The following RANBP2 variants were observed in gnomAD, a reference collection of about 807,000 sequenced individuals.
RANBP2 encodes E3 SUMO-protein ligase RanBP2.
Under a neutral mutation model 303.6 loss-of-function variants are expected in RANBP2, and 57 were observed. That is an observed-to-expected ratio of 0.19 (90% confidence interval 0.15 to 0.23). RANBP2 has a LOEUF of 0.23. Ranked by LOEUF, RANBP2 falls within the 10% of genes least tolerant of loss-of-function variation. The pLI is 1.00. For synonymous variants in RANBP2, 1,167 were observed against 1,301.5 expected (o/e 0.90, Z 2.23); for missense variants, 3,138 against 3,780.8 (o/e 0.83, Z 4.46).
the RANBP2 span, among the ~76,000 whole-genome samples, chr2:109,415,664 G>C: frequency 6.6e-6 from 1 of 152,100 alleles, no homozygotes; most frequent in Non-Finnish European, 1.5e-5. Flanking sequence ...CTGAAGACCA[G>C]AACACTCTCA....
chr2:109,300,599 G>A, the RANBP2 span, among the ~76,000 whole-genome samples: 1 of 152,188 alleles, frequency 6.6e-6, no homozygotes, highest in African/African-American at 2.4e-5. Flanking sequence ...TGGCAAATAT[G>A]CACTGGGACT....
the RANBP2 span, among the ~76,000 whole-genome samples, chr2:109,591,569 T>C: frequency 3.9e-5 from 6 of 152,170 alleles, no homozygotes; most frequent in African/African-American, 1.4e-4. Context: ...ACTACAGTTA[T>C]TGGAGCACAG....
chr2:108,853,091 AG>A, the RANBP2 span, among the ~76,000 whole-genome samples: 5 of 152,220 alleles, frequency 3.3e-5, no homozygotes, highest in Non-Finnish European at 7.3e-5. Flanking sequence ...AAATGTTCCA[AG>A]GTGTTAATAT....
chr2:108,906,461 A>G, the RANBP2 span: 2 of 1,311,360 alleles, frequency 1.5e-6, no homozygotes, highest in Admixed American at 3.6e-5. Flanking sequence ...GGCAGCAGCT[A>G]CGCCCAACAC....
the RANBP2 span, among the ~76,000 whole-genome samples, chr2:109,337,025 T>A: frequency 6.6e-6 from 1 of 152,246 alleles, no homozygotes; most frequent in Non-Finnish European, 1.5e-5. Flanking sequence ...TCATTAGGTA[T>A]GCTTTGATTC....
chr2:108,835,862 T>C, the RANBP2 span, among the ~76,000 whole-genome samples: 1,227 of 152,332 alleles, frequency 8.1e-3, 6 homozygotes, highest in Non-Finnish European at 0.013. Flanking sequence ...TCCTGGCAGC[T>C]GGATGTCCAA....
chr2:109,036,972 C>T, the RANBP2 span, among the ~76,000 whole-genome samples: 3 of 152,022 alleles, frequency 2.0e-5, no homozygotes, highest in African/African-American at 7.2e-5. Flanking sequence ...GGTGAGACCT[C>T]GTCTCTAACA....
the RANBP2 span, among the ~76,000 whole-genome samples, chr2:109,561,042 A>G: frequency 3.4e-4 from 51 of 151,992 alleles, no homozygotes; most frequent in African/African-American, 1.2e-3. Context: ...TGCAAATATT[A>G]TATTATTCCT....
At chr2:108,923,717 G>A in the RANBP2 span, among the ~76,000 whole-genome samples, 1 of 152,220 alleles carries the variant, frequency 6.6e-6, no homozygotes, top group African/African-American at 2.4e-5. Context: ...TCTCTCTGGT[G>A]GCTGTGTTTA....
At chr2:109,385,154 T>G in the RANBP2 span, among the ~76,000 whole-genome samples, 4 of 152,226 alleles carry the variant, frequency 2.6e-5, no homozygotes, top group African/African-American at 9.6e-5. Context: ...GAGCAGAAGC[T>G]CTGGCTCTCT....
At chr2:109,597,513 C>T in the RANBP2 span, among the ~76,000 whole-genome samples, 2 of 152,118 alleles carry the variant, frequency 1.3e-5, no homozygotes, top group Admixed American at 1.3e-4. Context: ...CAATAGGTGA[C>T]CACAATCTCG....
chr2:109,156,326 C>CTGGG, the RANBP2 span, among the ~76,000 whole-genome samples: 1 of 152,340 alleles, frequency 6.6e-6, no homozygotes, highest in Middle Eastern at 3.4e-3. Context: ...TCTTCCCCTG[C>CTGGG]TGGGACTGTG....
the RANBP2 span, among the ~76,000 whole-genome samples, chr2:108,915,904 A>T: frequency 2.0e-5 from 3 of 152,140 alleles, no homozygotes; most frequent in Non-Finnish European, 4.4e-5. Flanking sequence ...TCTCAAAAAA[A>T]AAATAAAAAA....
At chr2:108,835,161 A>G in the RANBP2 span, among the ~76,000 whole-genome samples, 3 of 152,210 alleles carry the variant, frequency 2.0e-5, no homozygotes, top group Admixed American at 6.5e-5. Context: ...GCAGCTTAAC[A>G]TTATGATTCA....
the RANBP2 span, among the ~76,000 whole-genome samples, chr2:109,493,884 CCTT>C: frequency 6.6e-6 from 1 of 152,270 alleles, no homozygotes; most frequent in South Asian, 2.1e-4. Flanking sequence ...CACACACCCA[CCTT>C]CTCTTTCCTT....
the RANBP2 span, among the ~76,000 whole-genome samples, chr2:109,058,811 T>C: frequency 1.3e-5 from 2 of 151,780 alleles, no homozygotes; most frequent in Non-Finnish European, 2.9e-5. Context: ...CTCTGGGAGC[T>C]AGAAGGGGAA....
the RANBP2 span, among the ~76,000 whole-genome samples, chr2:109,082,636 T>C: frequency 1.3e-5 from 2 of 152,016 alleles, no homozygotes; most frequent in Non-Finnish European, 2.9e-5. Flanking sequence ...TTTATCATGG[T>C]AATATATACA....
the RANBP2 span, among the ~76,000 whole-genome samples, chr2:108,866,014 T>C: frequency 1.3e-5 from 2 of 152,194 alleles, no homozygotes; most frequent in Admixed American, 6.5e-5. Flanking sequence ...ATTTTGTTCC[T>C]GTCTTATGGA....
chr2:108,984,478 G>A, the RANBP2 span, among the ~76,000 whole-genome samples: 1 of 152,028 alleles, frequency 6.6e-6, no homozygotes, highest in Admixed American at 6.6e-5. Context: ...CTCTCCTTCT[G>A]TTCAACCCTC....
Sources: gnomAD v4.1 joint callset for allele counts (sites outside exome capture counted in the v4.1 genomes callset) on GRCh38, gnomAD v4.1.1 for gene constraint, MANE v1.5 for transcripts, NCBI Gene and HGNC (gene_info 2026-07-23, HGNC 2026-07-21) for gene names.